The following ST3GAL3 variants were observed in gnomAD, a reference collection of about 807,000 sequenced individuals.
ST3GAL3 encodes CMP-N-acetylneuraminate-beta-1,4-galactoside alpha-2,3-sialyltransferase.
ST3GAL3 carries 21 observed loss-of-function variants against 50.1 expected under a neutral mutation model. That is an observed-to-expected ratio of 0.42 (90% CI 0.30 to 0.60). The LOEUF is 0.60. Among genes scored for constraint, ST3GAL3 ranks in the 20% least tolerant of loss-of-function variants. The pLI is 0.19. For synonymous variants in ST3GAL3, 183 were observed against 190.0 expected, an observed-to-expected ratio of 0.96 and a Z score of 0.30; for missense variants, 353 against 489.4, an observed-to-expected ratio of 0.72 and a Z score of 2.63.
chr1:43,771,397 G>A (rs1256111643), intron 2 of ST3GAL3, among the ~76,000 whole-genome samples: 10 of 150,990 alleles, frequency 6.6e-5, no homozygotes, highest in South Asian at 2.1e-4. Context: ...TCTCGCTGTC[G>A]CCCAGGCTGG....
At chr1:43,828,236 C>T (rs1324979210) in intron 4 of ST3GAL3, among the ~76,000 whole-genome samples, 1 of 152,058 alleles carries the variant, frequency 6.6e-6, no homozygotes, top group African/African-American at 2.4e-5. Flanking sequence ...GTACCTTTCA[C>T]AAAAATTAAC....
intron 5 of ST3GAL3, among the ~76,000 whole-genome samples, chr1:43,884,117 C>T (rs2075593916): frequency 6.6e-6 from 1 of 152,238 alleles, no homozygotes; most frequent in Non-Finnish European, 1.5e-5. Context: ...GTACTCAGCA[C>T]AGGACCTAGC....
At chr1:43,856,444 G>A (rs922738893) in intron 5 of ST3GAL3, among the ~76,000 whole-genome samples, 1 of 152,182 alleles carries the variant, frequency 6.6e-6, no homozygotes, top group African/African-American at 2.4e-5. Context: ...GTCCTGAATC[G>A]AGGCTCTGAA....
At chr1:43,843,082 T>G (rs1431434595) in intron 5 of ST3GAL3, among the ~76,000 whole-genome samples, 1 of 152,246 alleles carries the variant, frequency 6.6e-6, no homozygotes, top group Non-Finnish European at 1.5e-5. Flanking sequence ...TTCCTTTTTC[T>G]TGCCTTACTG....
intron 2 of ST3GAL3, chr1:43,738,735 T>G (rs1679569765): frequency 6.6e-6 from 1 of 152,194 alleles, no homozygotes; most frequent in African/African-American, 2.4e-5. Context: ...TGGGCTCAAG[T>G]GGTCTGCTTG....
At chr1:43,891,477 G>A (rs2076676279) in intron 5 of ST3GAL3, among the ~76,000 whole-genome samples, 1 of 152,194 alleles carries the variant, frequency 6.6e-6, no homozygotes, top group Non-Finnish European at 1.5e-5. Context: ...GCTGAGGCAG[G>A]AGAATCACTT....
intron 5 of ST3GAL3, among the ~76,000 whole-genome samples, chr1:43,876,444 G>A (rs909115257): frequency 5.3e-5 from 8 of 152,212 alleles, no homozygotes; most frequent in African/African-American, 1.9e-4. Context: ...GAGAGAGCCA[G>A]TCAAGCATCG....
chr1:43,845,289 GT>G (rs1017834693), intron 5 of ST3GAL3, among the ~76,000 whole-genome samples: 3 of 151,356 alleles, frequency 2.0e-5, no homozygotes, highest in East Asian at 1.9e-4. Context: ...AGCCAGGGAA[GT>G]TTTTTTTTAT....
chr1:43,915,322 A>T (rs897289343), intron 9 of ST3GAL3, among the ~76,000 whole-genome samples: 2 of 152,208 alleles, frequency 1.3e-5, no homozygotes, highest in African/African-American at 4.8e-5. Context: ...GGTGAATCAG[A>T]TGTGAGTCCC....
intron 2 of ST3GAL3, chr1:43,736,622 G>A (rs999812004): frequency 3.1e-6 from 2 of 648,892 alleles, no homozygotes; most frequent in Non-Finnish European, 5.3e-6. Flanking sequence ...GTGAGAATGT[G>A]CTATTCTTCA....
chr1:43,710,881 G>T (rs1033357653), intron 1 of ST3GAL3, among the ~76,000 whole-genome samples: 2 of 152,020 alleles, frequency 1.3e-5, no homozygotes, highest in Non-Finnish European at 1.5e-5. Flanking sequence ...TGCGATAATT[G>T]CCTTAAATCC....
At chr1:43,808,303 CAAAAA>C (rs35302476) in intron 3 of ST3GAL3, among the ~76,000 whole-genome samples, 3 of 108,232 alleles carry the variant, frequency 2.8e-5, no homozygotes, top group Non-Finnish European at 3.8e-5. Context: ...GACTCCATCT[CAAAAA>C]AAAAAAAAAA....
intron 9 of ST3GAL3, among the ~76,000 whole-genome samples, chr1:43,906,378 T>G (rs2079684030): frequency 6.9e-6 from 1 of 145,718 alleles, no homozygotes; most frequent in South Asian, 2.4e-4. Flanking sequence ...CCCATCCTCC[T>G]GTTTCCTTTC....
chr1:43,739,207 A>C (rs536724617), intron 2 of ST3GAL3: 1 of 152,174 alleles, frequency 6.6e-6, no homozygotes, highest in South Asian at 2.1e-4. Context: ...TGGCAGGGGG[A>C]AGAGGCTAGA....
At chr1:43,794,113 AAG>A (rs1211872884) in intron 3 of ST3GAL3, among the ~76,000 whole-genome samples, 2 of 151,984 alleles carry the variant, frequency 1.3e-5, no homozygotes, top group South Asian at 2.1e-4. Context: ...AGAAGGAAAA[AAG>A]AGAGAGAGTG....
chr1:43,841,237 C>G (rs1157429619), intron 5 of ST3GAL3: 1 of 152,368 alleles, frequency 6.6e-6, no homozygotes. Context: ...TGGTGGCCCC[C>G]TTCTCACAGC....
At chr1:43,740,616 G>A (rs1426494264) in intron 2 of ST3GAL3, among the ~76,000 whole-genome samples, 1 of 151,946 alleles carries the variant, frequency 6.6e-6, no homozygotes, top group African/African-American at 2.4e-5. Context: ...ACCAGCCTGG[G>A]TAATGTCACG....
At chr1:43,758,213 TAAA>T (rs1373435356) in intron 2 of ST3GAL3, among the ~76,000 whole-genome samples, 1 of 145,542 alleles carries the variant, frequency 6.9e-6, no homozygotes, top group Non-Finnish European at 1.5e-5. Context: ...TTTGGCATTA[TAAA>T]AACAGAAGAA....
intron 11 of ST3GAL3, among the ~76,000 whole-genome samples, chr1:43,923,420 C>G (rs1177004521): frequency 6.6e-6 from 1 of 152,136 alleles, no homozygotes; most frequent in Non-Finnish European, 1.5e-5. Flanking sequence ...CTTCAGACTG[C>G]TATAACAGAA....
Sources: gnomAD v4.1 joint callset for allele counts (sites outside exome capture counted in the v4.1 genomes callset) on GRCh38, gnomAD v4.1.1 for gene constraint, MANE v1.5 for transcripts, NCBI Gene and HGNC (gene_info 2026-07-23, HGNC 2026-07-21) for gene names.